Variants in SEPTIN11 observed in about 807,000 individuals in gnomAD.
SEPTIN11 encodes septin-11.
SEPTIN11 carries 25 observed loss-of-function variants against 51.4 expected under a neutral mutation model. The ratio of observed to expected loss-of-function variants is 0.49; its 90% CI spans 0.35 to 0.68. SEPTIN11 has a LOEUF of 0.68. Among genes scored for constraint, SEPTIN11 ranks in the 30% least tolerant of loss-of-function variants. SEPTIN11 has a pLI of 0.00. For missense variants in SEPTIN11, 381 were observed against 520.8 expected (o/e 0.73, Z 2.61); for synonymous variants, 174 against 184.1 (o/e 0.95, Z 0.44).
At chr4:76,951,650 G>T (rs1032933123) in intron 1 of SEPTIN11, among the ~76,000 whole-genome samples, 6 of 152,218 alleles carry the variant, frequency 3.9e-5, no homozygotes, top group Admixed American at 3.3e-4. Context: ...TTCAGTGGGG[G>T]TGTTTGGCTT....
chr4:77,022,753 C>T (rs1725806741), intron 7 of SEPTIN11, among the ~76,000 whole-genome samples: 1 of 152,198 alleles, frequency 6.6e-6, no homozygotes, highest in African/African-American at 2.4e-5. Context: ...TTTTACTTCT[C>T]AAAATGTTCA....
At chr4:76,953,521 ATT>A (rs1283214374) in intron 1 of SEPTIN11, among the ~76,000 whole-genome samples, 2 of 152,124 alleles carry the variant, frequency 1.3e-5, no homozygotes, top group Non-Finnish European at 2.9e-5. Flanking sequence ...TAAAATTGCC[ATT>A]TTTGTGACTT....
In SEPTIN11 at chr4:76,996,419, T is replaced by C. The variant is rs1446058087; in HGVS notation, c.28-6T>C. 2.5e-6 allele frequency: 4 copies of C among 1,606,122 alleles called. No individual in the cohort carries two copies. The highest frequency in any genetic ancestry group is 2.6e-6 in the Non-Finnish European group (3 of 1,172,736). ...ACACTCAAATCTTTCTCCCCTGAAA[T>C]TGCAGAATGAAGAGCTTCGAAACTT... On this transcript the variant is annotated splice_region_variant and splice_polypyrimidine_tract_variant and intron_variant, in intron 1 of 9. Transcript: ENST00000264893.
intron 9 of SEPTIN11, chr4:77,031,811 T>C (rs997336271): frequency 6.6e-6 from 1 of 152,200 alleles, no homozygotes; most frequent in Non-Finnish European, 1.5e-5. Flanking sequence ...ATGACAAATA[T>C]GCAGATGCCA....
chr4:76,964,711 A>G (rs937819169), intron 1 of SEPTIN11, among the ~76,000 whole-genome samples: 1 of 152,240 alleles, frequency 6.6e-6, no homozygotes, highest in Admixed American at 6.5e-5. Flanking sequence ...CGTGGAAGTT[A>G]CTGTGCCAGG....
chr4:76,984,486 C>G lies in SEPTIN11; in HGVS notation c.28-11939C>G, dbSNP rs368739314. Reference sequence around the variant, plus strand: ...ATGGTGGCATCGGGAAGGAAGCGTCCCATCCATATTTCATTATTTGCTGAT... The same window carrying G: ...ATGGTGGCATCGGGAAGGAAGCGTCGCATCCATATTTCATTATTTGCTGAT... On this transcript the variant is annotated intron_variant, in intron 1 of 9. Transcript: ENST00000264893. This position sits in a 1 kb window ranked among gnomAD's most constrained non-coding sequence, Gnocchi z 4.1. 1.9e-4 allele frequency among the ~76,000 whole-genome samples: 29 copies of G among 152,106 alleles called. 1 individual carries two copies. The South Asian group carries it at 6.0e-3, about 32-fold the overall frequency.
At chr4:77,005,258 A>G (rs1177955413) in intron 2 of SEPTIN11, among the ~76,000 whole-genome samples, 1 of 152,234 alleles carries the variant, frequency 6.6e-6, no homozygotes, top group Non-Finnish European at 1.5e-5. Flanking sequence ...TCTAACATTT[A>G]GGAGAGAAAG....
chr4:76,956,517 G>C (rs1361321263), intron 1 of SEPTIN11, among the ~76,000 whole-genome samples: 2 of 152,228 alleles, frequency 1.3e-5, no homozygotes, highest in African/African-American at 4.8e-5. Context: ...TCATGCAGCT[G>C]TTCCACCCTC....
intron 3 of SEPTIN11, among the ~76,000 whole-genome samples, chr4:77,011,330 G>T (rs1409132226): frequency 6.6e-6 from 1 of 152,194 alleles, no homozygotes; most frequent in African/African-American, 2.4e-5. Flanking sequence ...GGCCCAGCAG[G>T]AAAGAATGCC....
At chr4:76,952,726 C>G (rs936801525) in intron 1 of SEPTIN11, among the ~76,000 whole-genome samples, 1 of 152,216 alleles carries the variant, frequency 6.6e-6, no homozygotes, top group African/African-American at 2.4e-5. Context: ...CATTTCCCCA[C>G]TGATGGTTTT....
At chr4:77,009,572 A>G (rs558121960) in intron 3 of SEPTIN11, among the ~76,000 whole-genome samples, 1 of 152,334 alleles carries the variant, frequency 6.6e-6, no homozygotes, top group Admixed American at 6.5e-5. Flanking sequence ...TTAGAGAACA[A>G]AAGATATCTT....
intron 1 of SEPTIN11, among the ~76,000 whole-genome samples, chr4:76,991,435 G>A (rs544684101): frequency 5.9e-4 from 90 of 152,300 alleles, no homozygotes; most frequent in Non-Finnish European, 1.1e-3. Flanking sequence ...TTACAGCAGC[G>A]CTCAGAATGT....
chr4:77,002,734 C>G (rs912084005), intron 2 of SEPTIN11, among the ~76,000 whole-genome samples: 2 of 151,054 alleles, frequency 1.3e-5, no homozygotes, highest in Non-Finnish European at 2.9e-5. Context: ...GGTTAGGGAG[C>G]AGAGACTGGT....
At position 77,001,431 on chromosome 4, in the gene SEPTIN11, C is replaced by T. The variant is rs566787855; in HGVS notation, c.143-4170C>T. Among the ~76,000 whole-genome samples the T allele has an allele frequency of 4.6e-5, 7 of 152,136 alleles. No individual in the cohort carries two copies. In the South Asian group the frequency reaches 8.3e-4, roughly 18 times the overall value. On this transcript the variant is annotated intron_variant, in intron 2 of 9. Transcript: ENST00000264893. ...GTGGTTCAATCTCCACTGACTGCAA[C>T]CTCCGCCTCCCAGGTTCAACGGATT...
intron 1 of SEPTIN11, among the ~76,000 whole-genome samples, chr4:76,953,402 T>G (rs1212508888): frequency 6.6e-6 from 1 of 152,218 alleles, no homozygotes; most frequent in Non-Finnish European, 1.5e-5. Context: ...ATGATTCAGG[T>G]GAAGGATCAT....
chr4:77,008,868 A>G (rs918679153), intron 3 of SEPTIN11, among the ~76,000 whole-genome samples: 4 of 152,218 alleles, frequency 2.6e-5, no homozygotes, highest in African/African-American at 9.6e-5. Context: ...AAAAAAATAT[A>G]AATAAGTGTT....
chr4:77,002,726 T>A (rs1026202118), intron 2 of SEPTIN11, among the ~76,000 whole-genome samples: 1 of 152,048 alleles, frequency 6.6e-6, no homozygotes. Flanking sequence ...CTCTTTCAGG[T>A]TAGGGAGCAG....
chr4:76,989,680 TTCTG>T (rs780565092), intron 1 of SEPTIN11, among the ~76,000 whole-genome samples: 34 of 152,348 alleles, frequency 2.2e-4, no homozygotes, highest in Non-Finnish European at 4.9e-4. Context: ...ACAACCGTGG[TTCTG>T]TAAGATTATA....
At chr4:77,001,855 C>G (rs927605607) in intron 2 of SEPTIN11, among the ~76,000 whole-genome samples, 2 of 152,186 alleles carry the variant, frequency 1.3e-5, no homozygotes, top group East Asian at 3.9e-4. Flanking sequence ...ATTCCGCTTA[C>G]AAAGATTAGA....
Sources: allele counts gnomAD v4.1 joint callset (sites outside exome capture counted in the v4.1 genomes callset), GRCh38; gene constraint gnomAD v4.1.1; non-coding constraint Gnocchi (gnomAD v3.1); transcripts MANE v1.5; gene names NCBI Gene and HGNC (gene_info 2026-07-23, HGNC 2026-07-21).